Variants in PRKN observed in about 807,000 individuals in gnomAD.
PRKN encodes parkin RBR E3 ubiquitin protein ligase.
Under a neutral mutation model 59.5 loss-of-function variants are expected in PRKN, and 56 were observed. That is an observed-to-expected ratio of 0.94 (90% confidence interval 0.76 to 1.18). The LOEUF (loss-of-function observed/expected upper bound fraction) is 1.18. Ranked by LOEUF, PRKN falls within the 50% of genes most tolerant of loss-of-function variation. PRKN has a pLI of 0.00. For missense variants in PRKN, 657 were observed against 596.4 expected, an observed-to-expected ratio of 1.10 and a Z score of -1.06; for synonymous variants, 250 against 222.1, an observed-to-expected ratio of 1.13 and a Z score of -1.12.
chr6:161,445,516 G>A lies in PRKN; in HGVS notation c.1084-58639C>T, dbSNP rs868674316. On this transcript the variant is annotated intron_variant, in intron 9 of 11. Coordinates refer to ENST00000366898, the MANE Select transcript of PRKN (RefSeq NM_004562.3). The surrounding 1 kb of genome is among the most constrained non-coding windows in gnomAD (Gnocchi z 7.7). Reference sequence around the variant, plus strand: ...TCTCCAAGCTTGAAGGAAGATGACTGTGACTCTTTTCCTGGACTTCAAGGC... The same window carrying A: ...TCTCCAAGCTTGAAGGAAGATGACTATGACTCTTTTCCTGGACTTCAAGGC... Among the ~76,000 whole-genome samples, 19 of 152,228 alleles carry A rather than the reference G, an allele frequency of 1.2e-4. No homozygotes were observed. Among genetic ancestry groups the A allele is most frequent in the Non-Finnish European group, 1.3e-4 (9 of 68,040 alleles).
chr6:162,247,114 A>G (rs1779231297), intron 3 of PRKN, among the ~76,000 whole-genome samples: 1 of 152,158 alleles, frequency 6.6e-6, no homozygotes, highest in African/African-American at 2.4e-5. Flanking sequence ...ATATATTTAT[A>G]GCTTTGTTAG....
chr6:162,165,484 T>C lies in PRKN; in HGVS notation c.534+35647A>G, dbSNP rs1304142186. On this transcript the variant is annotated intron_variant, in intron 4 of 11. Coordinates refer to ENST00000366898, the MANE Select transcript of PRKN (RefSeq NM_004562.3). ...ATATACATTTCCTAATGAACCTAAT[T>C]TGAAAGTGAACAAAATACAAGAAGA... is the stretch of plus-strand genomic sequence containing the variant. Among the ~76,000 whole-genome samples the C allele has an allele frequency of 4.0e-5, 6 of 149,048 alleles. No individual in the cohort carries two copies. The East Asian group carries it at 9.7e-4, about 24-fold the overall frequency.
intron 2 of PRKN, among the ~76,000 whole-genome samples, chr6:162,373,863 A>C (rs2128137965): frequency 6.6e-6 from 1 of 152,316 alleles, no homozygotes; most frequent in Admixed American, 6.5e-5. Flanking sequence ...TAGAGAGACT[A>C]GTGTTTTTGT....
At position 161,728,413 on chromosome 6, in the gene PRKN, C is replaced by T. The variant is rs377051717; in HGVS notation, c.871+57359G>A. ...ATTAGCCTACACTGCCCTCCAAAAC[C>T]CCGTGTGAGGGATCCCACCAGACTC... On this transcript the variant is annotated intron_variant, in intron 7 of 11. Transcript: ENST00000366898. 8.8e-4 allele frequency among the ~76,000 whole-genome samples: 134 copies of T among 152,242 alleles called. No homozygotes were observed. In the South Asian group the frequency reaches 0.018, roughly 21 times the overall value.
intron 4 of PRKN, among the ~76,000 whole-genome samples, chr6:162,175,645 A>G (rs1282528165): frequency 6.6e-6 from 1 of 152,116 alleles, no homozygotes; most frequent in Admixed American, 6.6e-5. Context: ...GCTGCAGAGG[A>G]TCTGTCTGCT....
At chr6:162,375,292 T>C (rs980814228) in intron 2 of PRKN, among the ~76,000 whole-genome samples, 2 of 152,014 alleles carry the variant, frequency 1.3e-5, no homozygotes, top group African/African-American at 4.8e-5. Context: ...GCCACAGTGA[T>C]GAGTAACCAG....
In PRKN at chr6:161,480,962, G is replaced by A. The variant is rs1253022999; in HGVS notation, c.1083+67892C>T. On this transcript the variant is annotated intron_variant, in intron 9 of 11. Coordinates refer to ENST00000366898, the MANE Select transcript of PRKN (RefSeq NM_004562.3). This position sits in a 1 kb window ranked among gnomAD's most constrained non-coding sequence, Gnocchi z 4.1. ...ATGGTAACCGGGCAAGGAGAAAAGC[G>A]CTTCACAGCCACGAAGAGGGGGTTC... Among the ~76,000 whole-genome samples the A allele has an allele frequency of 2.0e-5, 3 of 152,228 alleles. No individual in the cohort carries two copies. The highest frequency in any genetic ancestry group is 2.1e-4 in the South Asian group (1 of 4,836).
chr6:162,320,474 T>C (rs1216027617), intron 2 of PRKN, among the ~76,000 whole-genome samples: 1 of 52,304 alleles, frequency 1.9e-5, no homozygotes. Context: ...AAAAAAAATA[T>C]ATGAAAAGCA....
intron 6 of PRKN, among the ~76,000 whole-genome samples, chr6:161,914,558 G>GA (rs966074985): frequency 6.6e-5 from 10 of 150,958 alleles, no homozygotes; most frequent in East Asian, 5.8e-4. Flanking sequence ...TTATTAAAAA[G>GA]AAAAAAAAAT....
At chr6:162,386,297 A>G (rs1786806491) in intron 2 of PRKN, among the ~76,000 whole-genome samples, 1 of 152,244 alleles carries the variant, frequency 6.6e-6, no homozygotes, top group Non-Finnish European at 1.5e-5. Flanking sequence ...ACTTCAAAAC[A>G]GCACGTGGTA....
intron 1 of PRKN, among the ~76,000 whole-genome samples, chr6:162,452,456 A>G (rs1396743363): frequency 6.6e-6 from 1 of 151,888 alleles, no homozygotes; most frequent in Admixed American, 6.6e-5. Context: ...ATGTATGCCA[A>G]GTATGGCATA....
chr6:162,035,355 A>G (rs1280385265), intron 5 of PRKN, among the ~76,000 whole-genome samples: 1 of 152,164 alleles, frequency 6.6e-6, no homozygotes, highest in African/African-American at 2.4e-5. Context: ...CAAAAGACTT[A>G]AAGGGGACAA....
chr6:162,169,046 C>A (rs1223981921), intron 4 of PRKN, among the ~76,000 whole-genome samples: 1 of 152,134 alleles, frequency 6.6e-6, no homozygotes, highest in Non-Finnish European at 1.5e-5. Context: ...GGATTCCAAA[C>A]ACTCAAGTGT....
At chr6:162,573,828 T>C (rs1284617537) in intron 1 of PRKN, among the ~76,000 whole-genome samples, 1 of 152,206 alleles carries the variant, frequency 6.6e-6, no homozygotes, top group Non-Finnish European at 1.5e-5. Flanking sequence ...ATTGTGATCA[T>C]TTATGTAACA....
chr6:161,674,462 T>C, intron 7 of PRKN, among the ~76,000 whole-genome samples: 1 of 152,184 alleles, frequency 6.6e-6, no homozygotes, highest in East Asian at 1.9e-4. Context: ...AATGATTATG[T>C]TTCCTTTATT....
intron 6 of PRKN, among the ~76,000 whole-genome samples, chr6:161,895,443 C>G (rs1421645673): frequency 6.6e-6 from 1 of 152,170 alleles, no homozygotes; most frequent in Non-Finnish European, 1.5e-5. Context: ...CACAACACTG[C>G]CTGGGTCCCC....
intron 6 of PRKN, among the ~76,000 whole-genome samples, chr6:161,874,587 A>G (rs1214708653): frequency 9.1e-6 from 1 of 109,392 alleles, no homozygotes; most frequent in African/African-American, 4.4e-5. Context: ...TGTAAAATAT[A>G]TATTGTATGT....
intron 2 of PRKN, among the ~76,000 whole-genome samples, chr6:162,271,838 A>G (rs1162850738): frequency 2.0e-5 from 3 of 152,246 alleles, no homozygotes; most frequent in Non-Finnish European, 4.4e-5. Context: ...GACTTCTAAA[A>G]GATGAATATT....
intron 7 of PRKN, among the ~76,000 whole-genome samples, chr6:161,574,861 C>T (rs976560108): frequency 2.6e-5 from 4 of 152,198 alleles, no homozygotes; most frequent in African/African-American, 9.6e-5. Flanking sequence ...ACACAGGAAT[C>T]GAGTAGTGTT....
Sources: gnomAD v4.1 joint callset for allele counts (sites outside exome capture counted in the v4.1 genomes callset) on GRCh38, gnomAD v4.1.1 for gene constraint, Gnocchi (gnomAD v3.1) non-coding constraint, MANE v1.5 for transcripts, NCBI Gene and HGNC (gene_info 2026-07-23, HGNC 2026-07-21) for gene names.